The following CHST11 variants were observed in gnomAD, a reference collection of about 807,000 sequenced individuals.
CHST11 encodes carbohydrate sulfotransferase 11, also known as C4S-1.
Under a neutral mutation model 30.4 loss-of-function variants are expected in CHST11, and 9 were observed. The observed-to-expected ratio is 0.30, with a 90% CI of 0.18 to 0.52. CHST11 has a LOEUF of 0.52. Among genes scored for constraint, CHST11 ranks in the 20% least tolerant of loss-of-function variants. The probability of loss-of-function intolerance (pLI) is 0.97; values close to 1 mark genes in which losing one functional copy is unlikely to be tolerated. For missense variants in CHST11, 348 were observed against 460.6 expected (o/e 0.76, Z 2.24); for synonymous variants, 152 against 187.8 (o/e 0.81, Z 1.56).
intron 1 of CHST11, among the ~76,000 whole-genome samples, chr12:104,551,773 A>C (rs1484763390): frequency 3.3e-5 from 5 of 152,092 alleles, no homozygotes; most frequent in African/African-American, 1.2e-4. Context: ...GGCCGTACGG[A>C]AGTGGTGCGA....
intron 2 of CHST11, among the ~76,000 whole-genome samples, chr12:104,659,874 A>G (rs191475087): frequency 1.2e-3 from 177 of 151,532 alleles, no homozygotes; most frequent in Non-Finnish European, 2.1e-3. Context: ...CCTAGCTACT[A>G]GGGAGGCTGA....
intron 2 of CHST11, among the ~76,000 whole-genome samples, chr12:104,714,510 CT>C: frequency 6.6e-6 from 1 of 152,056 alleles, no homozygotes; most frequent in Admixed American, 6.6e-5. Flanking sequence ...ATAAAATTGC[CT>C]GATAAATGTG....
intron 2 of CHST11, among the ~76,000 whole-genome samples, chr12:104,721,156 T>C (rs1008363462): frequency 6.6e-6 from 1 of 152,190 alleles, no homozygotes; most frequent in Non-Finnish European, 1.5e-5. Flanking sequence ...AGAAGCTGGG[T>C]TTGGGCCTGG....
chr12:104,664,177 GCCTAATA>G (rs1304794985), intron 2 of CHST11, among the ~76,000 whole-genome samples: 52 of 152,166 alleles, frequency 3.4e-4, no homozygotes, highest in Admixed American at 3.4e-3. Context: ...TGTGCCTGTA[GCCTAATA>G]CTCAGGGAGA....
intron 1 of CHST11, among the ~76,000 whole-genome samples, chr12:104,554,044 CACA>C (rs2038431379): frequency 6.6e-6 from 1 of 152,062 alleles, no homozygotes; most frequent in Non-Finnish European, 1.5e-5. Context: ...CTGGTCAGCT[CACA>C]ACAAGGCAGC....
At chr12:104,488,645 A>ATGTG (rs55888657) in intron 1 of CHST11, among the ~76,000 whole-genome samples, 30 of 136,614 alleles carry the variant, frequency 2.2e-4, no homozygotes, top group African/African-American at 8.2e-4. Context: ...GTGCGTGTGT[A>ATGTG]TGTGTGTGTG....
intron 2 of CHST11, among the ~76,000 whole-genome samples, chr12:104,733,747 TG>T (rs147286531): frequency 0.017 from 2,636 of 152,330 alleles, 39 homozygotes; most frequent in Middle Eastern, 0.048. Flanking sequence ...ATTAAGTAGG[TG>T]GCAGAACCAG....
chr12:104,709,527 G>C (rs1195845829), intron 2 of CHST11, among the ~76,000 whole-genome samples: 2 of 152,192 alleles, frequency 1.3e-5, no homozygotes, highest in Admixed American at 6.5e-5. Flanking sequence ...TTGTGCAAAT[G>C]AAAGAGTTGA....
intron 1 of CHST11, among the ~76,000 whole-genome samples, chr12:104,532,642 A>C (rs2135995795): frequency 6.6e-6 from 1 of 152,268 alleles, no homozygotes; most frequent in African/African-American, 2.4e-5. Flanking sequence ...AAAAATAGCC[A>C]AAACAAGCAG....
At chr12:104,638,568 G>A (rs2136073076) in intron 2 of CHST11, among the ~76,000 whole-genome samples, 1 of 152,306 alleles carries the variant, frequency 6.6e-6, no homozygotes, top group Non-Finnish European at 1.5e-5. Flanking sequence ...GATTTGGGTA[G>A]TGGGCAGGAT....
At chr12:104,528,580 C>T (rs2038150916) in intron 1 of CHST11, among the ~76,000 whole-genome samples, 1 of 152,182 alleles carries the variant, frequency 6.6e-6, no homozygotes, top group Non-Finnish European at 1.5e-5. Flanking sequence ...GTTCTTCCAC[C>T]TGCCACTCTT....
chr12:104,488,011 C>A (rs554982612), intron 1 of CHST11, among the ~76,000 whole-genome samples: 1 of 152,218 alleles, frequency 6.6e-6, no homozygotes, highest in East Asian at 1.9e-4. Context: ...TGGGCTCAAG[C>A]AATCCCCCTG....
At chr12:104,603,256 C>T (rs1202299366) in intron 2 of CHST11, among the ~76,000 whole-genome samples, 1 of 152,186 alleles carries the variant, frequency 6.6e-6, no homozygotes, top group African/African-American at 2.4e-5. Context: ...TTTCTGGTAA[C>T]CCGTGTCAAA....
At chr12:104,546,930 A>G (rs778440716) in intron 1 of CHST11, among the ~76,000 whole-genome samples, 1 of 152,230 alleles carries the variant, frequency 6.6e-6, no homozygotes, top group African/African-American at 2.4e-5. Context: ...GTACTAGTGA[A>G]GTGGTACTGA....
At chr12:104,716,931 T>G (rs1350035190) in intron 2 of CHST11, among the ~76,000 whole-genome samples, 1 of 152,220 alleles carries the variant, frequency 6.6e-6, no homozygotes, top group African/African-American at 2.4e-5. Flanking sequence ...TCAAGGGGAT[T>G]ATTGCTTCGG....
At chr12:104,705,578 C>G (rs1198662776) in intron 2 of CHST11, among the ~76,000 whole-genome samples, 1 of 151,952 alleles carries the variant, frequency 6.6e-6, no homozygotes, top group Admixed American at 6.6e-5. Context: ...GATAAGCAAG[C>G]GAAATATTAA....
intron 2 of CHST11, among the ~76,000 whole-genome samples, chr12:104,654,429 A>G (rs181477037): frequency 3.9e-5 from 6 of 152,290 alleles, no homozygotes; most frequent in Non-Finnish European, 8.8e-5. Flanking sequence ...ACCCATGGAC[A>G]CAGTAGGAAG....
chr12:104,696,507 A>C (rs565069590), intron 2 of CHST11, among the ~76,000 whole-genome samples: 190 of 138,752 alleles, frequency 1.4e-3, no homozygotes, highest in African/African-American at 4.9e-3. Flanking sequence ...AAAAAAAAAA[A>C]CATAGCTGGG....
intron 2 of CHST11, among the ~76,000 whole-genome samples, chr12:104,718,197 A>G (rs1401067903): frequency 6.6e-6 from 1 of 152,214 alleles, no homozygotes; most frequent in Non-Finnish European, 1.5e-5. Flanking sequence ...TTCAGTTGTC[A>G]GCCCCATTTG....
Sources: gnomAD v4.1 joint callset for allele counts (sites outside exome capture counted in the v4.1 genomes callset) on GRCh38, gnomAD v4.1.1 for gene constraint, MANE v1.5 for transcripts, NCBI Gene and HGNC (gene_info 2026-07-23, HGNC 2026-07-21) for gene names.